Variants in RBM47 observed in about 807,000 individuals in gnomAD.
RBM47 encodes the protein RNA-binding protein 47.
A neutral mutation model predicts 47.1 loss-of-function variants in RBM47; 21 were observed. The ratio of observed to expected loss-of-function variants is 0.45; its 90% CI spans 0.32 to 0.64. RBM47 has a LOEUF of 0.64. Ranked by LOEUF, RBM47 falls within the 30% of genes least tolerant of loss-of-function variation. RBM47 has a pLI of 0.05. For synonymous variants in RBM47, 375 were observed against 361.7 expected (o/e 1.04, Z -0.42); for missense variants, 708 against 870.9 (o/e 0.81, Z 2.35).
At chr4:40,513,357 C>T (rs1236786485) in intron 2 of RBM47, among the ~76,000 whole-genome samples, 3 of 152,136 alleles carry the variant, frequency 2.0e-5, no homozygotes, top group Non-Finnish European at 2.9e-5. Context: ...TTATATTGCC[C>T]GTTTTATACT....
At position 40,557,012 on chromosome 4, in the gene RBM47, C is replaced by T. The variant is rs568478486; in HGVS notation, c.-239-12506G>A. Among the ~76,000 whole-genome samples the T allele has an allele frequency of 3.2e-4, 49 of 152,076 alleles. 1 individual carries two copies. In the South Asian group the frequency reaches 6.9e-3, roughly 21 times the overall value. On this transcript the variant is annotated intron_variant, in intron 1 of 6. Transcript: ENST00000295971. Reference sequence around the variant, plus strand: ...GGAGTTGTGCACATATGAAAGTGTACGCTCATTAAAAATTGATATTTCCCT... The same window carrying T: ...GGAGTTGTGCACATATGAAAGTGTATGCTCATTAAAAATTGATATTTCCCT...
rs146142129 is a variant in RBM47, at chr4:40,556,556, G to A, written c.-239-12050C>T. Among the ~76,000 whole-genome samples, 1,405 of 151,970 alleles carry A rather than the reference G, an allele frequency of 9.2e-3. 34 individuals are homozygous for A. The highest frequency in any genetic ancestry group is 0.032 in the African/African-American group (1,337 of 41,442). On this transcript the variant is annotated intron_variant, in intron 1 of 6. Coordinates refer to ENST00000295971, the MANE Select transcript of RBM47 (RefSeq NM_001098634.2). ...GCTATTACTTTTAATGGCAAAAACC[G>A]CAATTACTTTTGCACCAAACTAATA...
rs73150120 is a variant in RBM47 at position 40,477,049 on chromosome 4, G to A, written c.-154-10350C>T. Among the ~76,000 whole-genome samples the A allele has an allele frequency of 6.6e-3, 1,005 of 152,112 alleles. 15 individuals are homozygous for A. Among genetic ancestry groups the A allele is most frequent in the African/African-American group, 0.022 (930 of 41,502 alleles). ...CAGAAGTTCGAGACTCGGGCGTGGTGGTGGGCTCCTGTAATCCCAACTACT... is the reference window on the plus strand; with the variant it reads ...CAGAAGTTCGAGACTCGGGCGTGGTAGTGGGCTCCTGTAATCCCAACTACT... On this transcript the variant is annotated intron_variant, in intron 2 of 6. Coordinates refer to ENST00000295971, the MANE Select transcript of RBM47 (RefSeq NM_001098634.2).
intron 2 of RBM47, chr4:40,516,096 CGT>C (rs1553894708): frequency 6.6e-6 from 1 of 151,992 alleles, no homozygotes; most frequent in Non-Finnish European, 1.5e-5. Flanking sequence ...CAACATTTCT[CGT>C]CTTGCCCTCT....
chr4:40,594,369 A>G (rs1043567887), intron 1 of RBM47, among the ~76,000 whole-genome samples: 4 of 152,192 alleles, frequency 2.6e-5, no homozygotes, highest in Non-Finnish European at 5.9e-5. Flanking sequence ...ATCTGCAAGG[A>G]GTGACATTGG....
At chr4:40,525,985 C>T (rs1178950249) in intron 2 of RBM47, among the ~76,000 whole-genome samples, 1 of 152,114 alleles carries the variant, frequency 6.6e-6, no homozygotes, top group Non-Finnish European at 1.5e-5. Flanking sequence ...AATCTAGATC[C>T]CCGGAGTGCT....
rs1008266888 is a variant in RBM47 at position 40,423,612 on chromosome 4, G to A, written c.*2292C>T. ...CAATGTTTGTTTTTAAGGGAGTTTG[G>A]TGGTTGCCATGTTATCATTTTTTTT... On this transcript the variant is annotated 3_prime_UTR_variant, in exon 7 of 7. Transcript: ENST00000295971. The A allele has an allele frequency of 6.6e-6, 1 of 151,678 alleles. No individual in the cohort carries two copies. Among genetic ancestry groups the A allele is most frequent in the African/African-American group, 2.4e-5 (1 of 41,298 alleles). 9.4% of individuals were successfully genotyped at this position (151,678 alleles called of 1,614,324 possible). A position where few individuals can be genotyped will look rare whatever the true frequency, so the allele number is the denominator to read the frequency against.
chr4:40,579,123 T>TAA lies in RBM47; in HGVS notation c.-239-34619_-239-34618dup, dbSNP rs745819109. Among the ~76,000 whole-genome samples the TAA allele has an allele frequency of 1.3e-3, 166 of 125,178 alleles. 1 individual carries two copies. The highest frequency in any genetic ancestry group is 2.4e-3 in the African/African-American group (79 of 32,806). The allele number at this position is 125,178 out of a possible 152,430, so 82.1% of individuals were successfully genotyped here. A position where few individuals can be genotyped will look rare whatever the true frequency, so the allele number is the denominator to read the frequency against. On this transcript the variant is annotated intron_variant, in intron 1 of 6. Transcript: ENST00000295971. ...AACAGAGCGAGACTCTATCTTAAAT[T>TAA]AAAAAAAAAAAAAATGCAGCCAGGC...
Position 40,471,223 on chromosome 4 carries a change from G to A in RBM47, c.-154-4524C>T, listed in dbSNP as rs7684912. Among the ~76,000 whole-genome samples the A allele has an allele frequency of 6.6e-5, 10 of 152,154 alleles. No homozygotes were observed. The South Asian group carries it at 1.2e-3, about 19-fold the overall frequency. ...CTTTCTGAGCCTCAGGTTGTTACCC[G>A]TACACTGAAAGATCACCATTATAAG... On this transcript the variant is annotated intron_variant, in intron 2 of 6. Transcript: ENST00000295971.
At chr4:40,501,889 T>G (rs1407783022) in intron 2 of RBM47, among the ~76,000 whole-genome samples, 1 of 152,096 alleles carries the variant, frequency 6.6e-6, no homozygotes, top group Non-Finnish European at 1.5e-5. Context: ...GCTCAGAAAC[T>G]CAGAAAATAG....
intron 2 of RBM47, among the ~76,000 whole-genome samples, chr4:40,504,615 G>A (rs1433308093): frequency 6.6e-6 from 1 of 151,926 alleles, no homozygotes; most frequent in Non-Finnish European, 1.5e-5. Context: ...TTAATTTGCA[G>A]GTTATTTGTG....
intron 2 of RBM47, among the ~76,000 whole-genome samples, chr4:40,531,990 C>G (rs1034861480): frequency 6.6e-6 from 1 of 151,256 alleles, no homozygotes; most frequent in African/African-American, 2.4e-5. Flanking sequence ...TGCCATACAT[C>G]AATCTCTCTC....
intron 1 of RBM47, among the ~76,000 whole-genome samples, chr4:40,608,914 A>C (rs1735996679): frequency 6.6e-6 from 1 of 152,174 alleles, no homozygotes; most frequent in Non-Finnish European, 1.5e-5. Flanking sequence ...GTCATTGCTG[A>C]TTTGGAAAAA....
intron 1 of RBM47, among the ~76,000 whole-genome samples, chr4:40,565,761 AG>A (rs1206585023): frequency 6.6e-6 from 1 of 152,186 alleles, no homozygotes; most frequent in African/African-American, 2.4e-5. Flanking sequence ...TAGAGAAAAA[AG>A]AGAGGATAAA....
At chr4:40,446,894 C>G (rs1409655688) in intron 3 of RBM47, among the ~76,000 whole-genome samples, 1 of 152,082 alleles carries the variant, frequency 6.6e-6, no homozygotes, top group Non-Finnish European at 1.5e-5. Context: ...GTAGAGAAGC[C>G]TAGCCTGTGA....
intron 5 of RBM47, among the ~76,000 whole-genome samples, chr4:40,433,719 C>T (rs1711749959): frequency 1.3e-5 from 2 of 152,108 alleles, no homozygotes; most frequent in African/African-American, 4.8e-5. Flanking sequence ...ATCCTCCCCA[C>T]CCTGTATTTC....
chr4:40,423,544 G>C lies in RBM47; in HGVS notation c.*2360C>G, dbSNP rs1234688592. 2 of 151,780 alleles carry C rather than the reference G, an allele frequency of 1.3e-5. No individual in the cohort carries two copies. The highest frequency in any genetic ancestry group is 2.9e-5 in the Non-Finnish European group (2 of 67,962). The allele number at this position is 151,780 out of a possible 1,614,324, so 9.4% of individuals were successfully genotyped here. On this transcript the variant is annotated 3_prime_UTR_variant, in exon 7 of 7. Transcript: ENST00000295971. ...GTTTTGAAACAATAGGAACAGATAA[G>C]TCCCAGATAGGAGGCTCACTGATAC...
chr4:40,549,100 CTT>C (rs1018746716), intron 1 of RBM47, among the ~76,000 whole-genome samples: 98 of 139,688 alleles, frequency 7.0e-4, no homozygotes, highest in African/African-American at 2.8e-3. Flanking sequence ...ACCTCAGTTT[CTT>C]TTTTTTTGGG....
Position 40,436,651 on chromosome 4 carries a change from G to C in RBM47, c.1124-4C>G, listed in dbSNP as rs1272686917. The C allele has an allele frequency of 6.2e-7, 1 of 1,613,434 alleles. No homozygotes were observed. Among genetic ancestry groups the C allele is most frequent in the East Asian group, 2.2e-5 (1 of 44,870 alleles). On this transcript the variant is annotated splice_polypyrimidine_tract_variant and splice_region_variant and intron_variant, in intron 4 of 6. Transcript: ENST00000295971. ...CCTCGGCCTCTTATGCTGCCTGCTT[G>C]TAATAACAACACAAAAGATGATCAG...
Sources: gnomAD v4.1 joint callset for allele counts (sites outside exome capture counted in the v4.1 genomes callset) on GRCh38, gnomAD v4.1.1 for gene constraint, MANE v1.5 for transcripts, NCBI Gene and HGNC (gene_info 2026-07-23, HGNC 2026-07-21) for gene names.